UXT: variants seen among roughly 807,000 people sequenced by gnomAD.
UXT encodes the protein ubiquitously expressed prefoldin like chaperone.
For synonymous variants in UXT, 54 were observed against 52.8 expected (o/e 1.02, Z -0.10); for missense variants, 111 against 132.7 (o/e 0.84, Z 0.80).
rs766176524 is a variant in UXT, at chrX:47,658,815, C to A, written c.134+15G>T. The A allele has an allele frequency of 9.7e-6, 11 of 1,135,381 alleles. No individual in the cohort carries two copies. The highest frequency in any genetic ancestry group is 6.2e-5 in the East Asian group (2 of 32,457). The allele number at this position is 1,135,381 out of a possible 1,213,427, so 93.6% of individuals were successfully genotyped here. A position where few individuals can be genotyped will look rare whatever the true frequency, so the allele number is the denominator to read the frequency against. ...GGAATGTTCCAAACGCCCCGCCCCCCGCACTGTCACTCACCGCAAGTCCCG... is the reference window on the plus strand; with the variant it reads ...GGAATGTTCCAAACGCCCCGCCCCCAGCACTGTCACTCACCGCAAGTCCCG... On this transcript the variant is annotated intron_variant, in intron 1 of 5. Coordinates refer to ENST00000335890, the MANE Select transcript of UXT (RefSeq NM_153477.3).
intron 4 of UXT, chrX:47,653,926 TGG>T: frequency 6.2e-6 from 1 of 160,320 alleles, no homozygotes; most frequent in Non-Finnish European, 1.0e-5. Flanking sequence ...AAGAATATTC[TGG>T]GGGTAATGCT....
chrX:47,655,007 G>A (rs1383138702), intron 4 of UXT, among the ~76,000 whole-genome samples: 5 of 112,546 alleles, frequency 4.4e-5, no homozygotes, highest in South Asian at 7.3e-4. Flanking sequence ...TTAGCTGGGC[G>A]CGGTAGCTCA....
In UXT at chrX:47,657,838, C is replaced by T. The variant is rs145775498; in HGVS notation, c.160G>A (p.Val54Ile). 3.4e-5 allele frequency: 39 copies of T among 1,155,712 alleles called. No individual in the cohort carries two copies. Among genetic ancestry groups the T allele is most frequent in the Non-Finnish European group, 4.4e-5 (38 of 869,996 alleles). ...AGGTATTTGGCCAGCTGCTCATATA[C>T]CTTGTCTCGATGGTCCAGCACCTTT... Residue 54 changes from valine to isoleucine, a missense_variant, in exon 2 of 6, where the codon GTA (valine) becomes ATA (isoleucine). Coordinates refer to ENST00000335890, the MANE Select transcript of UXT (RefSeq NM_153477.3).
chrX:47,658,822 T>C lies in UXT; in HGVS notation c.134+8A>G. The C allele has an allele frequency of 8.8e-7, 1 of 1,137,681 alleles. No individual in the cohort carries two copies. The highest frequency in any genetic ancestry group is 1.2e-6 in the Non-Finnish European group (1 of 859,280). 93.8% of individuals were successfully genotyped at this position (1,137,681 alleles called of 1,213,427 possible). Reference sequence around the variant, plus strand: ...TCCAAACGCCCCGCCCCCCGCACTGTCACTCACCGCAAGTCCCGCTGCAGC... The same window carrying C: ...TCCAAACGCCCCGCCCCCCGCACTGCCACTCACCGCAAGTCCCGCTGCAGC... On this transcript the variant is annotated splice_region_variant and intron_variant, in intron 1 of 5. Transcript: ENST00000335890.
chrX:47,653,285 A>C (rs1002767447), intron 4 of UXT, among the ~76,000 whole-genome samples: 5 of 112,268 alleles, frequency 4.5e-5, no homozygotes, highest in African/African-American at 1.6e-4. Flanking sequence ...AATTGGAAAA[A>C]AAAGTAGTAT....
Position 47,659,097 on chromosome X carries a change from C to A in UXT, c.-134G>T. ...TCGGGGACCCGACCACCCAGGGACA[C>A]CCAAGCGCGGCCTTTACCTCAGGCC... On this transcript the variant is annotated 5_prime_UTR_variant, in exon 1 of 6. Coordinates refer to ENST00000335890, the MANE Select transcript of UXT (RefSeq NM_153477.3). 1 of 1,010,655 alleles carries A rather than the reference C, an allele frequency of 9.9e-7. No individual in the cohort carries two copies. The highest frequency in any genetic ancestry group is 1.4e-6 in the Non-Finnish European group (1 of 730,784). 83.3% of individuals were successfully genotyped at this position (1,010,655 alleles called of 1,213,427 possible). A position where few individuals can be genotyped will look rare whatever the true frequency, so the allele number is the denominator to read the frequency against.
chrX:47,657,117 G>A (rs1009308013), intron 4 of UXT, 66 bp downstream of exon 5: 3 of 931,830 alleles, frequency 3.2e-6, no homozygotes, highest in Non-Finnish European at 4.5e-6. Flanking sequence ...GGCAGCCATG[G>A]GTAAAGGGAG....
In UXT at chrX:47,657,205, G is replaced by A. The variant is rs1029413652; in HGVS notation, c.370C>T (p.Arg124Cys). Reference sequence around the variant, plus strand: ...TACTCTGTGAGGAGAGAGCTCTTACGATCAATGAACTTGAGAGCTTCTGCC... The same window carrying A: ...TACTCTGTGAGGAGAGAGCTCTTACAATCAATGAACTTGAGAGCTTCTGCC... Residue 124 changes from arginine (R) to cysteine (C), a missense_variant, in exon 4 of 6, where the codon CGT (arginine) becomes TGT (cysteine). Coordinates refer to ENST00000335890, the MANE Select transcript of UXT (RefSeq NM_153477.3). The A allele has an allele frequency of 8.3e-7, 1 of 1,205,382 alleles. No homozygotes were observed. Among genetic ancestry groups the A allele is most frequent in the Non-Finnish European group, 1.1e-6 (1 of 891,971 alleles).
intron 4 of UXT, chrX:47,653,999 G>A: frequency 1.6e-6 from 1 of 632,183 alleles, no homozygotes; most frequent in Non-Finnish European, 1.9e-6. Flanking sequence ...TCAAAAAAGA[G>A]AACAAAATTA....
intron 4 of UXT, among the ~76,000 whole-genome samples, chrX:47,656,581 T>C (rs372750646): frequency 9.0e-6 from 1 of 111,046 alleles, no homozygotes; most frequent in Non-Finnish European, 1.9e-5. Context: ...GAGGGCCTTG[T>C]TGAGGAAGTG....
chrX:47,656,524 AG>A (rs1253862771), intron 4 of UXT, among the ~76,000 whole-genome samples: 1 of 111,780 alleles, frequency 8.9e-6, no homozygotes, highest in Non-Finnish European at 1.9e-5. Context: ...AAGTAGAAGG[AG>A]GGGAATCAAG....
Position 47,657,231 on chromosome X carries a change from A to G in UXT, c.344T>C (p.Leu115Pro), listed in dbSNP as rs1337014030. 1 of 1,208,503 alleles carries G rather than the reference A, an allele frequency of 8.3e-7. No individual in the cohort carries two copies. The highest frequency in any genetic ancestry group is 1.7e-5 in the African/African-American group (1 of 57,789). Residue 115 changes from leucine (L) to proline (P), a missense_variant, in exon 4 of 6, where the codon CTG (leucine) becomes CCG (proline). By Grantham distance (98) the Leu-to-Pro change is moderately conservative (BLOSUM62 -3). Coordinates refer to ENST00000335890, the MANE Select transcript of UXT (RefSeq NM_153477.3). ...ATCAATGAACTTGAGAGCTTCTGCC[A>G]GTGTCAACTCCAGGAAAAAACCATA...
At chrX:47,654,944 G>C (rs1056133392) in intron 4 of UXT, among the ~76,000 whole-genome samples, 1 of 112,075 alleles carries the variant, frequency 8.9e-6, no homozygotes, top group Admixed American at 9.4e-5. Context: ...CTATTTGATA[G>C]GCTCAGGAAT....
In UXT at chrX:47,657,636, C is replaced by T. The variant is rs1311296470; in HGVS notation, c.220G>A (p.Ala74Thr). The T allele has an allele frequency of 8.3e-7, 1 of 1,209,989 alleles. No individual in the cohort carries two copies. Among genetic ancestry groups the T allele is most frequent in the Non-Finnish European group, 1.1e-6 (1 of 894,568 alleles). Reference sequence around the variant, plus strand: ...TGCATATATAACTCCGAGTGCTTAGCTTCCTGTGGGGCCAGGGAAAAAGAG... The same window carrying T: ...TGCATATATAACTCCGAGTGCTTAGTTTCCTGTGGGGCCAGGGAAAAAGAG... The change falls in exon 3 of 6, where the codon GCT becomes ACT. Residue 74 changes from alanine (A) to threonine (T), a missense_variant. Transcript: ENST00000335890.
chrX:47,656,606 C>G (rs779947491), intron 4 of UXT, among the ~76,000 whole-genome samples: 3 of 110,994 alleles, frequency 2.7e-5, no homozygotes, highest in African/African-American at 9.9e-5. Flanking sequence ...TTAAGCAAGA[C>G]GAGTGAGTGA....
chrX:47,652,206 A>G, intron 4 of UXT, 62 bp from the exon 6 acceptor site: 1 of 1,019,143 alleles, frequency 9.8e-7, no homozygotes, highest in Non-Finnish European at 1.4e-6. Context: ...ACCCTTCCTT[A>G]TCACTTCAAG....
chrX:47,652,148 G>C lies in UXT; in HGVS notation c.393-4C>G. On this transcript the variant is annotated splice_region_variant and splice_polypyrimidine_tract_variant and intron_variant, in intron 4 of 5. Transcript: ENST00000335890. ...CTTGGTGAGGCTGTTGCTGAGCCTA[G>C]AGAAAAGAAACAAGAAAGGGCAAAA... 3 of 1,202,127 alleles carry C rather than the reference G, an allele frequency of 2.5e-6. No homozygotes were observed. Among genetic ancestry groups the C allele is most frequent in the Non-Finnish European group, 2.2e-6 (2 of 889,937 alleles).
At chrX:47,654,497 C>T (rs185448476) in intron 4 of UXT, among the ~76,000 whole-genome samples, 36 of 111,157 alleles carry the variant, frequency 3.2e-4, no homozygotes, top group African/African-American at 1.1e-3. Flanking sequence ...TGAGCCACCG[C>T]GCCCGGCCGT....
chrX:47,654,660 C>T (rs913158117), intron 4 of UXT, among the ~76,000 whole-genome samples: 1 of 112,115 alleles, frequency 8.9e-6, no homozygotes, highest in African/African-American at 3.2e-5. Context: ...CTTTTGATCA[C>T]ATAAAATGAC....
Sources: gnomAD v4.1 joint callset for allele counts (sites outside exome capture counted in the v4.1 genomes callset) on GRCh38, gnomAD v4.1.1 for gene constraint, MANE v1.5 for transcripts, NCBI Gene and HGNC (gene_info 2026-07-23, HGNC 2026-07-21) for gene names.